SESTD1: variants seen among roughly 807,000 people sequenced by gnomAD.
SESTD1 encodes SEC14 domain and spectrin repeat-containing protein 1.
SESTD1 carries 43 observed loss-of-function variants against 101.7 expected under a neutral mutation model. That is an observed-to-expected ratio of 0.42 (90% CI 0.33 to 0.55). SESTD1 has a LOEUF of 0.55. Ranked by LOEUF, SESTD1 falls within the 20% of genes least tolerant of loss-of-function variation. The pLI, the probability that SESTD1 is intolerant of heterozygous loss-of-function variation, is 0.07. For synonymous variants in SESTD1, 283 were observed against 286.8 expected, an observed-to-expected ratio of 0.99 and a Z score of 0.13; for missense variants, 647 against 815.1, an observed-to-expected ratio of 0.79 and a Z score of 2.51.
At chr2:179,147,858 T>C (rs1274650735) in intron 7 of SESTD1, among the ~76,000 whole-genome samples, 1 of 152,160 alleles carries the variant, frequency 6.6e-6, no homozygotes, top group Non-Finnish European at 1.5e-5. Context: ...CTAAGAAACA[T>C]CAAACTTACT....
intron 1 of SESTD1, among the ~76,000 whole-genome samples, chr2:179,246,256 A>C (rs2047229812): frequency 1.6e-4 from 1 of 6,254 alleles, no homozygotes; most frequent in African/African-American, 3.8e-4. Context: ...CTCCATCTCA[A>C]AAAAAAAAAA....
chr2:179,154,554 G>C (rs142505034), intron 5 of SESTD1, among the ~76,000 whole-genome samples: 4 of 152,228 alleles, frequency 2.6e-5, no homozygotes, highest in African/African-American at 7.2e-5. Context: ...CAAATCTCAT[G>C]ATCAAGGAAC....
At chr2:179,128,750 A>AAG (rs1440639647) in intron 10 of SESTD1, among the ~76,000 whole-genome samples, 3 of 151,748 alleles carry the variant, frequency 2.0e-5, no homozygotes, top group African/African-American at 7.3e-5. Context: ...AAGAAAAGAA[A>AAG]AAAAAAAAAA....
chr2:179,125,998 A>T (rs1049978365), intron 10 of SESTD1, among the ~76,000 whole-genome samples: 1 of 152,146 alleles, frequency 6.6e-6, no homozygotes, highest in Admixed American at 6.6e-5. Context: ...TTGCTCTCAC[A>T]GTTATCTTCT....
intron 5 of SESTD1, among the ~76,000 whole-genome samples, chr2:179,151,805 A>G (rs2045536205): frequency 6.6e-6 from 1 of 152,324 alleles, no homozygotes; most frequent in Middle Eastern, 3.4e-3. Flanking sequence ...TATCCATTTT[A>G]AAGTTTTTCT....
intron 1 of SESTD1, among the ~76,000 whole-genome samples, chr2:179,226,373 T>A (rs1201852414): frequency 9.2e-5 from 14 of 152,216 alleles, no homozygotes; most frequent in Admixed American, 9.2e-4. Context: ...GAACTCCAAC[T>A]TCTGCCACTC....
intron 17 of SESTD1, among the ~76,000 whole-genome samples, chr2:179,112,494 A>T (rs1437300482): frequency 1.3e-5 from 2 of 152,190 alleles, no homozygotes; most frequent in Non-Finnish European, 2.9e-5. Context: ...CTAGTCAATG[A>T]TCATTCTACA....
In SESTD1 at chr2:179,255,755, T is replaced by C. The variant is rs560194703; in HGVS notation, c.-26+8744A>G. Among the ~76,000 whole-genome samples the C allele has an allele frequency of 5.3e-5, 8 of 152,370 alleles. No individual in the cohort carries two copies. In the East Asian group the frequency reaches 1.5e-3, roughly 29 times the overall value. ...CAATGTAGATGAAACAGCCTTCTATTAGACAAAGATGTCATCTAGGACTTT... is the reference window on the plus strand; with the variant it reads ...CAATGTAGATGAAACAGCCTTCTATCAGACAAAGATGTCATCTAGGACTTT... On this transcript the variant is annotated intron_variant, in intron 1 of 17. Coordinates refer to ENST00000428443, the MANE Select transcript of SESTD1 (RefSeq NM_178123.5).
In SESTD1 at chr2:179,109,652, A is replaced by C. The variant is rs2044463561; in HGVS notation, c.*247T>G. 1 of 476,134 alleles carries C rather than the reference A, an allele frequency of 2.1e-6. No homozygotes were observed. The highest frequency in any genetic ancestry group is 2.0e-5 in the African/African-American group (1 of 51,266). The allele number at this position is 476,134 out of a possible 1,614,324, so 29.5% of individuals were successfully genotyped here. On this transcript the variant is annotated 3_prime_UTR_variant, in exon 18 of 18. Transcript: ENST00000428443. ...ACTGACAGGTCAGGTAAAGCTTTAA[A>C]GCAAGTTTTCAGTGCAATGTTTATA...
At chr2:179,225,411 A>G (rs2046871200) in intron 1 of SESTD1, among the ~76,000 whole-genome samples, 2 of 152,186 alleles carry the variant, frequency 1.3e-5, no homozygotes, top group Admixed American at 1.3e-4. Context: ...AAATATAATT[A>G]TTCATTTTTT....
chr2:179,196,906 C>T (rs2046406987), intron 1 of SESTD1, among the ~76,000 whole-genome samples: 2 of 152,190 alleles, frequency 1.3e-5, no homozygotes, highest in Non-Finnish European at 2.9e-5. Context: ...AGCGCCTCTC[C>T]TCCTCCAAAG....
chr2:179,125,706 C>G (rs868472275), intron 10 of SESTD1, among the ~76,000 whole-genome samples: 16 of 152,166 alleles, frequency 1.1e-4, no homozygotes, highest in Admixed American at 3.3e-4. Context: ...TTTTATGTTT[C>G]TCTAGTAAAT....
chr2:179,149,305 C>G lies in SESTD1; in HGVS notation c.573G>C (p.Glu191Asp). 1 of 1,609,414 alleles carries G rather than the reference C, an allele frequency of 6.2e-7. No individual in the cohort carries two copies. Among genetic ancestry groups the G allele is most frequent in the Non-Finnish European group, 8.5e-7 (1 of 1,178,224 alleles). ...NNGSDKGNQQ[E>D]KERSVDLNFL... ...TGCCACTAGCCACCTACCTTTCTTT[C>G]TCTTGCTGATTTCCTTTATCACTTC... Residue 191 changes from glutamate to aspartate, a missense_variant, in exon 7 of 18, where the codon GAG becomes GAC. Transcript: ENST00000428443.
chr2:179,241,625 T>TAA (rs35527564), intron 1 of SESTD1, among the ~76,000 whole-genome samples: 8 of 150,578 alleles, frequency 5.3e-5, no homozygotes, highest in Admixed American at 6.6e-5. Flanking sequence ...CTCTCATCTT[T>TAA]AAAAAAAAAA....
chr2:179,150,326 C>T (rs6433759), intron 6 of SESTD1, among the ~76,000 whole-genome samples: 23,943 of 151,588 alleles, frequency 0.16, 3,055 homozygotes, highest in African/African-American at 0.36. Flanking sequence ...GTTAATCTGA[C>T]GTTTGTTCTT....
chr2:179,255,336 T>G (rs1044535336), intron 1 of SESTD1, among the ~76,000 whole-genome samples: 1 of 152,158 alleles, frequency 6.6e-6, no homozygotes, highest in African/African-American at 2.4e-5. Flanking sequence ...AAGCTGTAAA[T>G]GCAAAGGAAA....
At chr2:179,142,839 AC>A (rs1160765834) in intron 9 of SESTD1, among the ~76,000 whole-genome samples, 9 of 152,162 alleles carry the variant, frequency 5.9e-5, no homozygotes, top group African/African-American at 2.2e-4. Context: ...CTCTCCCTAA[AC>A]TTATTGATAG....
intron 7 of SESTD1, among the ~76,000 whole-genome samples, chr2:179,147,849 T>A (rs1437928220): frequency 6.6e-6 from 1 of 152,166 alleles, no homozygotes; most frequent in Non-Finnish European, 1.5e-5. Context: ...GGAATATAAC[T>A]AAGAAACATC....
chr2:179,236,470 C>T (rs760529664), intron 1 of SESTD1, among the ~76,000 whole-genome samples: 1 of 151,894 alleles, frequency 6.6e-6, no homozygotes, highest in East Asian at 1.9e-4. Context: ...GCACTCTAAC[C>T]CGGGCAACAC....
Sources: allele counts gnomAD v4.1 joint callset (sites outside exome capture counted in the v4.1 genomes callset), GRCh38; gene constraint gnomAD v4.1.1; transcripts MANE v1.5; gene names NCBI Gene and HGNC (gene_info 2026-07-23, HGNC 2026-07-21).